The following NCAM2 variants were observed in gnomAD, a reference collection of about 807,000 sequenced individuals.
The protein encoded by NCAM2 is N-CAM-2.
NCAM2 carries 30 observed loss-of-function variants against 98.1 expected under a neutral mutation model. The ratio of observed to expected loss-of-function variants is 0.31; its 90% CI spans 0.23 to 0.41. NCAM2 has a LOEUF of 0.41. Ranked by LOEUF, NCAM2 falls within the 10% of genes least tolerant of loss-of-function variation. The pLI is 1.00. For synonymous variants in NCAM2, 368 were observed against 342.4 expected, an observed-to-expected ratio of 1.07 and a Z score of -0.83; for missense variants, 867 against 1,005.8, an observed-to-expected ratio of 0.86 and a Z score of 1.87.
chr21:21,072,902 A>G (rs1307414959), intron 1 of NCAM2, among the ~76,000 whole-genome samples: 1 of 152,032 alleles, frequency 6.6e-6, no homozygotes, highest in African/African-American at 2.4e-5. Context: ...ATGTTGTGTG[A>G]CCATCCCACC....
chr21:21,082,249 C>A (rs1322590947), intron 1 of NCAM2, among the ~76,000 whole-genome samples: 8 of 126,346 alleles, frequency 6.3e-5, no homozygotes, highest in South Asian at 2.5e-4. Context: ...AAAAAGAATT[C>A]TCTCATGCTT....
chr21:21,224,399 T>TA lies in NCAM2; in HGVS notation c.56-56178dup, dbSNP rs1568794842. 7.9e-5 allele frequency among the ~76,000 whole-genome samples: 12 copies of TA among 152,268 alleles called. No individual in the cohort carries two copies. The South Asian group carries it at 2.5e-3, about 32-fold the overall frequency. On this transcript the variant is annotated intron_variant, in intron 1 of 17. Coordinates refer to ENST00000400546, the MANE Select transcript of NCAM2 (RefSeq NM_004540.5). ...ATAACCCAGGTAGAATATAAACAAA[T>TA]ACGTAGATACTATTCTTTTATCTAT...
intron 1 of NCAM2, among the ~76,000 whole-genome samples, chr21:21,020,283 G>T (rs147291045): frequency 6.6e-6 from 1 of 152,048 alleles, no homozygotes; most frequent in Non-Finnish European, 1.5e-5. Flanking sequence ...TAATCCGCCC[G>T]CCTCGGCCTC....
chr21:21,150,026 C>T (rs539004318), intron 1 of NCAM2, among the ~76,000 whole-genome samples: 26 of 152,142 alleles, frequency 1.7e-4, no homozygotes, highest in African/African-American at 6.0e-4. Context: ...ATTTACAGTC[C>T]CACCAACAGT....
chr21:21,503,051 A>T (rs1367348353), intron 15 of NCAM2, among the ~76,000 whole-genome samples: 1 of 151,964 alleles, frequency 6.6e-6, no homozygotes, highest in African/African-American at 2.4e-5. Flanking sequence ...ATGGACAAAT[A>T]TTTTAATATT....
intron 16 of NCAM2, among the ~76,000 whole-genome samples, chr21:21,528,450 G>A (rs1270872714): frequency 6.6e-6 from 1 of 152,044 alleles, no homozygotes; most frequent in Non-Finnish European, 1.5e-5. Context: ...GTGGGAGCAG[G>A]GGATACGTGG....
chr21:21,253,004 A>G lies in NCAM2; in HGVS notation c.56-27574A>G, dbSNP rs370661602. The stretch of plus-strand genomic sequence containing the variant: ...TAATGGAAAACTGGCCATTTTTCTC[A>G]TTCCATGTGTTTTTTATTTTACTTT... On this transcript the variant is annotated intron_variant, in intron 1 of 17. Transcript: ENST00000400546. Among the ~76,000 whole-genome samples the G allele has an allele frequency of 1.4e-4, 21 of 152,252 alleles. No individual in the cohort carries two copies. In the East Asian group the frequency reaches 2.7e-3, roughly 20 times the overall value.
intron 1 of NCAM2, among the ~76,000 whole-genome samples, chr21:21,268,934 G>T (rs2072393532): frequency 6.6e-6 from 1 of 152,102 alleles, no homozygotes; most frequent in South Asian, 2.1e-4. Context: ...GGATCCTTCA[G>T]AAACAAATAA....
chr21:21,364,103 T>C (rs1018499703), intron 8 of NCAM2, among the ~76,000 whole-genome samples: 1 of 152,084 alleles, frequency 6.6e-6, no homozygotes, highest in African/African-American at 2.4e-5. Context: ...TTCCACACTT[T>C]TAGTTTTTAG....
rs61325994 is a variant in NCAM2, at chr21:21,049,013, AT to A, written c.55+50411del. On this transcript the variant is annotated intron_variant, in intron 1 of 17. Transcript: ENST00000400546. Reference sequence around the variant, plus strand: ...TATTTACTATTTATATTTACTATTAATTTTTTTTTTTTTTTTGAGACGGAGT... The same window carrying A: ...TATTTACTATTTATATTTACTATTAATTTTTTTTTTTTTTTGAGACGGAGT... Among the ~76,000 whole-genome samples, 23 of 133,466 alleles carry A rather than the reference AT, an allele frequency of 1.7e-4. 1 individual carries two copies. The highest frequency in any genetic ancestry group is 5.9e-4 in the African/African-American group (21 of 35,616). The allele number at this position is 133,466 out of a possible 152,430, so 87.6% of individuals were successfully genotyped here.
intron 1 of NCAM2, among the ~76,000 whole-genome samples, chr21:21,124,910 CATT>C (rs200920820): frequency 0.012 from 1,780 of 152,196 alleles, 16 homozygotes; most frequent in Non-Finnish European, 0.02. Context: ...TAGAAAAACT[CATT>C]GTTACATTTT....
chr21:21,135,042 T>A (rs772599851), intron 1 of NCAM2, among the ~76,000 whole-genome samples: 298 of 148,270 alleles, frequency 2.0e-3, no homozygotes, highest in Non-Finnish European at 3.4e-3. Flanking sequence ...AGACCAATCC[T>A]GGCTAACACG....
chr21:21,457,237 T>A (rs1227038632), intron 12 of NCAM2, among the ~76,000 whole-genome samples: 1 of 152,144 alleles, frequency 6.6e-6, no homozygotes, highest in Non-Finnish European at 1.5e-5. Context: ...TACTTCTTTG[T>A]GAAGAGAATT....
At chr21:21,145,633 G>T (rs1001433808) in intron 1 of NCAM2, among the ~76,000 whole-genome samples, 6 of 152,118 alleles carry the variant, frequency 3.9e-5, no homozygotes, top group African/African-American at 1.2e-4. Flanking sequence ...AAGCCAAAAA[G>T]AAGTGGGTAA....
chr21:21,265,105 A>ATATGTGTCTGTGT (rs2072151992), intron 1 of NCAM2, among the ~76,000 whole-genome samples: 5 of 32,180 alleles, frequency 1.6e-4, no homozygotes, highest in Non-Finnish European at 2.6e-4. Context: ...ATACATATAT[A>ATATGTGTCTGTGT]ATATATATAC....
Position 21,057,991 on chromosome 21 carries a change from C to A in NCAM2, c.55+59373C>A, listed in dbSNP as rs2065247387. Among the ~76,000 whole-genome samples, 3 of 151,990 alleles carry A rather than the reference C, an allele frequency of 2.0e-5. No homozygotes were observed. In the South Asian group the frequency reaches 6.2e-4, roughly 32 times the overall value. ...GATGTCTCCGAAGAATTTCCTGCTC[C>A]CAATGAAAATGACTTCTATATGATT... is the stretch of plus-strand genomic sequence containing the variant. On this transcript the variant is annotated intron_variant, in intron 1 of 17. Coordinates refer to ENST00000400546, the MANE Select transcript of NCAM2 (RefSeq NM_004540.5).
intron 1 of NCAM2, among the ~76,000 whole-genome samples, chr21:21,031,347 A>T (rs2064677575): frequency 6.6e-6 from 1 of 152,204 alleles, no homozygotes; most frequent in Non-Finnish European, 1.5e-5. Flanking sequence ...AGACATGAAG[A>T]GCCTTAGCAA....
intron 1 of NCAM2, among the ~76,000 whole-genome samples, chr21:21,102,034 A>G (rs1601372366): frequency 6.6e-6 from 1 of 152,140 alleles, no homozygotes; most frequent in Middle Eastern, 3.4e-3. Flanking sequence ...CCCTTTGTGC[A>G]ACATTGATGT....
rs192506968 is a variant in NCAM2, at chr21:21,066,488, G to A, written c.55+67870G>A. On this transcript the variant is annotated intron_variant, in intron 1 of 17. Transcript: ENST00000400546. ...CCGTAATTGTTTTACTGTTGCTTCT[G>A]CTATTGTTATTGGCATTATGGGACA... Among the ~76,000 whole-genome samples the A allele has an allele frequency of 3.1e-3, 477 of 152,004 alleles. 5 individuals carry two copies. The highest frequency in any genetic ancestry group is 0.011 in the African/African-American group (454 of 41,466).
Sources: allele counts gnomAD v4.1 joint callset (sites outside exome capture counted in the v4.1 genomes callset), GRCh38; gene constraint gnomAD v4.1.1; transcripts MANE v1.5; gene names NCBI Gene and HGNC (gene_info 2026-07-23, HGNC 2026-07-21).